Variants in ELAPOR1 observed in about 807,000 individuals in gnomAD.
The protein encoded by ELAPOR1 is endosome/lysosome-associated apoptosis and autophagy regulator 1.
In ELAPOR1, 77 loss-of-function variants were observed where a neutral mutation model predicts 119.7. The ratio of observed to expected loss-of-function variants is 0.64; its 90% CI spans 0.54 to 0.78. ELAPOR1 has a LOEUF of 0.78. ELAPOR1 is among the 30% of genes least tolerant of loss of function. The probability of loss-of-function intolerance (pLI) is 0.00; values close to 1 mark genes in which losing one functional copy is unlikely to be tolerated. For missense variants in ELAPOR1, 1,115 were observed against 1,270.4 expected (o/e 0.88, Z 1.86); for synonymous variants, 481 against 487.2 (o/e 0.99, Z 0.17).
chr1:109,174,394 C>T (rs1314394956), intron 7 of ELAPOR1, among the ~76,000 whole-genome samples: 13 of 93,538 alleles, frequency 1.4e-4, no homozygotes, highest in African/African-American at 5.4e-4. Flanking sequence ...GCCTGGGTGA[C>T]AGAGTAAGAC....
At chr1:109,188,123 C>G (rs1422967956) in intron 8 of ELAPOR1, 54 bp from the exon 9 acceptor site, 2 of 1,551,652 alleles carry the variant, frequency 1.3e-6, no homozygotes, top group Admixed American at 3.6e-5. Context: ...GGTAGAGTCC[C>G]AAAGATGTCC....
intron 1 of ELAPOR1, among the ~76,000 whole-genome samples, chr1:109,159,199 T>C (rs1651089745): frequency 6.6e-6 from 1 of 152,138 alleles, no homozygotes; most frequent in African/African-American, 2.4e-5. Context: ...CGCCCTAAGC[T>C]TATGTCTTGA....
At chr1:109,149,913 G>A (rs1286703852) in intron 1 of ELAPOR1, among the ~76,000 whole-genome samples, 1 of 152,198 alleles carries the variant, frequency 6.6e-6, no homozygotes, top group Admixed American at 6.5e-5. Context: ...ACTTCAGGAG[G>A]CTTTTGTGAG....
chr1:109,179,717 C>G (rs1443331779), intron 7 of ELAPOR1, among the ~76,000 whole-genome samples: 3 of 151,708 alleles, frequency 2.0e-5, no homozygotes, highest in Admixed American at 2.0e-4. Flanking sequence ...ACCAGCCTGA[C>G]CAACCTGGTG....
Position 109,187,894 on chromosome 1 carries a change from G to A in ELAPOR1, c.1042-283G>A, listed in dbSNP as rs984331009. On this transcript the variant is annotated intron_variant, in intron 8 of 21. Coordinates refer to ENST00000369939, the MANE Select transcript of ELAPOR1 (RefSeq NM_020775.5). Reference sequence around the variant, plus strand: ...ACAGTGGAATCGGAGCTTTCTCTAAGACAACTGGTCCCACATTCTCTGTCA... The same window carrying A: ...ACAGTGGAATCGGAGCTTTCTCTAAAACAACTGGTCCCACATTCTCTGTCA... 1.8e-5 allele frequency: 21 copies of A among 1,135,506 alleles called. No individual in the cohort carries two copies. The African/African-American group carries it at 3.3e-4, about 18-fold the overall frequency. 70.3% of individuals were successfully genotyped at this position (1,135,506 alleles called of 1,614,324 possible).
intron 3 of ELAPOR1, among the ~76,000 whole-genome samples, chr1:109,165,169 G>A (rs776520716): frequency 4.6e-5 from 7 of 152,134 alleles, no homozygotes; most frequent in Non-Finnish European, 1.0e-4. Flanking sequence ...GTGCATGTCC[G>A]TAGTCCCAGC....
intron 1 of ELAPOR1, among the ~76,000 whole-genome samples, chr1:109,128,730 G>A (rs1231107060): frequency 1.3e-5 from 2 of 152,186 alleles, no homozygotes. Context: ...AATATTTTGA[G>A]CCAAAATTTG....
intron 1 of ELAPOR1, among the ~76,000 whole-genome samples, chr1:109,156,150 A>C (rs1374832119): frequency 2.6e-5 from 4 of 152,054 alleles, no homozygotes; most frequent in African/African-American, 9.7e-5. Flanking sequence ...ATCTCTAAAT[A>C]TATATAGATT....
intron 1 of ELAPOR1, among the ~76,000 whole-genome samples, chr1:109,120,918 A>G (rs1358897625): frequency 6.6e-6 from 1 of 152,192 alleles, no homozygotes; most frequent in African/African-American, 2.4e-5. Context: ...GTAGCATCTT[A>G]AGGTGTCAAG....
At chr1:109,183,328 C>CAAAAAAAAA (rs67807553) in intron 7 of ELAPOR1, among the ~76,000 whole-genome samples, 1 of 29,446 alleles carries the variant, frequency 3.4e-5, no homozygotes, top group African/African-American at 1.3e-4. Flanking sequence ...CTGTCTCTAC[C>CAAAAAAAAA]AAAAAAAAAA....
chr1:109,188,401 G>A (rs372915536), intron 9 of ELAPOR1, 47 bp downstream of exon 9: 10 of 1,559,064 alleles, frequency 6.4e-6, no homozygotes, highest in East Asian at 4.5e-5. Flanking sequence ...GACTGTGTGG[G>A]TGGGCTGTGT....
intron 1 of ELAPOR1, among the ~76,000 whole-genome samples, chr1:109,123,864 A>G (rs1382092047): frequency 1.3e-5 from 2 of 151,470 alleles, no homozygotes; most frequent in East Asian, 4.0e-4. Context: ...GTGCAATGGC[A>G]CGATCTTGGC....
chr1:109,159,530 T>C (rs1229081601), intron 1 of ELAPOR1, among the ~76,000 whole-genome samples: 1 of 152,228 alleles, frequency 6.6e-6, no homozygotes, highest in African/African-American at 2.4e-5. Flanking sequence ...GCCTGGCTGC[T>C]GGCACACAAC....
chr1:109,174,053 C>T (rs1652091609), intron 7 of ELAPOR1, among the ~76,000 whole-genome samples: 2 of 149,710 alleles, frequency 1.3e-5, no homozygotes, highest in South Asian at 4.2e-4. Flanking sequence ...CACTTTATCA[C>T]CCAGGCTGAA....
In ELAPOR1 at chr1:109,162,506, T is replaced by C. The variant is rs1054006123; in HGVS notation, c.274+492T>C. Among the ~76,000 whole-genome samples, 3 of 152,192 alleles carry C rather than the reference T, an allele frequency of 2.0e-5. No homozygotes were observed. In the South Asian group the frequency reaches 6.2e-4, roughly 32 times the overall value. The stretch of plus-strand genomic sequence containing the variant: ...GAATCTTCTTGACTGTGGGTCTGAT[T>C]GTGCAATAGGAAAGGCAGTGGCTTG... On this transcript the variant is annotated intron_variant, in intron 2 of 21. Coordinates refer to ENST00000369939, the MANE Select transcript of ELAPOR1 (RefSeq NM_020775.5).
In ELAPOR1 at chr1:109,122,036, T is replaced by C. The variant is rs527589689; in HGVS notation, c.153+7700T>C. 1.9e-3 allele frequency among the ~76,000 whole-genome samples: 289 copies of C among 151,642 alleles called. 2 individuals are homozygous for C. Among genetic ancestry groups the C allele is most frequent in the African/African-American group, 6.7e-3 (277 of 41,356 alleles). On this transcript the variant is annotated intron_variant, in intron 1 of 21. Coordinates refer to ENST00000369939, the MANE Select transcript of ELAPOR1 (RefSeq NM_020775.5). ...ATCCGCCCACCTTGGCCTCCCAAAG[T>C]GCTGGGATTACAGGCATGAGCCACC... is the stretch of plus-strand genomic sequence containing the variant.
chr1:109,120,273 T>G (rs1648309252), intron 1 of ELAPOR1, among the ~76,000 whole-genome samples: 3 of 152,074 alleles, frequency 2.0e-5, no homozygotes. Context: ...GGTGCATGCC[T>G]GTAATTCCAG....
chr1:109,153,425 C>T (rs755513765), intron 1 of ELAPOR1, among the ~76,000 whole-genome samples: 1 of 152,096 alleles, frequency 6.6e-6, no homozygotes, highest in Non-Finnish European at 1.5e-5. Flanking sequence ...GTGAAAGAAA[C>T]TGTGATGCGG....
At chr1:109,127,874 T>C (rs962417542) in intron 1 of ELAPOR1, among the ~76,000 whole-genome samples, 2 of 151,410 alleles carry the variant, frequency 1.3e-5, no homozygotes, top group African/African-American at 4.9e-5. Flanking sequence ...TGCTTTTTTT[T>C]TTTTTAAGTC....
Sources: allele counts gnomAD v4.1 joint callset (sites outside exome capture counted in the v4.1 genomes callset), GRCh38; gene constraint gnomAD v4.1.1; transcripts MANE v1.5; gene names NCBI Gene and HGNC (gene_info 2026-07-23, HGNC 2026-07-21).